Variants in INSYN2B observed in about 807,000 individuals in gnomAD.
INSYN2B encodes protein INSYN2B.
Under a neutral mutation model 41.2 loss-of-function variants are expected in INSYN2B, and 16 were observed. The observed-to-expected ratio is 0.39, with a 90% CI of 0.26 to 0.59. The LOEUF (loss-of-function observed/expected upper bound fraction) is 0.59, where lower values mean the gene tolerates loss of function less well. INSYN2B is among the 20% of genes least tolerant of loss of function. The pLI is 0.57. For synonymous variants in INSYN2B, 245 were observed against 244.4 expected (o/e 1.00, Z -0.02); for missense variants, 608 against 646.4 (o/e 0.94, Z 0.64).
rs549929646 is a variant in INSYN2B at position 169,870,426 on chromosome 5, G to A, written c.1422-5967C>T. 7.2e-5 allele frequency among the ~76,000 whole-genome samples: 11 copies of A among 152,298 alleles called. No homozygotes were observed. In the South Asian group the frequency reaches 1.9e-3, roughly 26 times the overall value. On this transcript the variant is annotated intron_variant, in intron 3 of 3. Coordinates refer to ENST00000377365, the MANE Select transcript of INSYN2B (RefSeq NM_001129891.3). ...TAAGCTCATGAGCAAACAACAGAGC[G>A]AGGTTCTGGATGCAGGATCTTGGCT...
At chr5:169,954,242 G>A (rs181731122) in intron 1 of INSYN2B, among the ~76,000 whole-genome samples, 4 of 152,312 alleles carry the variant, frequency 2.6e-5, no homozygotes, top group African/African-American at 7.2e-5. Context: ...CTTAGCAATC[G>A]CTGGACATTT....
chr5:169,931,320 C>T (rs1775740419), intron 1 of INSYN2B, among the ~76,000 whole-genome samples: 1 of 152,212 alleles, frequency 6.6e-6, no homozygotes, highest in Non-Finnish European at 1.5e-5. Context: ...TTACTTCCAA[C>T]AGTGGGTCAG....
At chr5:169,876,237 C>T (rs1281741541) in intron 3 of INSYN2B, among the ~76,000 whole-genome samples, 3 of 152,224 alleles carry the variant, frequency 2.0e-5, no homozygotes, top group African/African-American at 7.2e-5. Context: ...TGAAGTCCTT[C>T]ACTTCATTTC....
In INSYN2B at chr5:169,951,012, C is replaced by T. The variant is rs112747034; in HGVS notation, c.-919+29265G>A. 5.3e-5 allele frequency among the ~76,000 whole-genome samples: 8 copies of T among 152,242 alleles called. No individual in the cohort carries two copies. The East Asian group carries it at 5.8e-4, about 11-fold the overall frequency. On this transcript the variant is annotated intron_variant, in intron 1 of 3. Coordinates refer to ENST00000377365, the MANE Select transcript of INSYN2B (RefSeq NM_001129891.3). ...TAAACATTTAGATTTCCAGCTGCTC[C>T]GAAGTCAGATTAGCCAGCGTCACCG... is the stretch of plus-strand genomic sequence containing the variant.
chr5:169,903,029 T>C (rs1051961935), intron 1 of INSYN2B, among the ~76,000 whole-genome samples: 13 of 149,626 alleles, frequency 8.7e-5, no homozygotes, highest in Middle Eastern at 3.2e-3. Context: ...ACAAAGGAGG[T>C]GGAGGTTGCA....
At chr5:169,882,440 G>A (rs1267938337) in intron 2 of INSYN2B, 113 bp downstream of exon 2, 1 of 850,480 alleles carries the variant, frequency 1.2e-6, no homozygotes, top group Non-Finnish European at 1.8e-6. Flanking sequence ...AAACAACAGT[G>A]CTTCAAACAT....
At chr5:169,898,984 G>A (rs141941575) in intron 1 of INSYN2B, among the ~76,000 whole-genome samples, 2 of 152,296 alleles carry the variant, frequency 1.3e-5, no homozygotes, top group African/African-American at 4.8e-5. Context: ...AACTCAGTCT[G>A]TGAAGTAGAA....
At chr5:169,918,962 T>A (rs1338798336) in intron 1 of INSYN2B, among the ~76,000 whole-genome samples, 1 of 152,036 alleles carries the variant, frequency 6.6e-6, no homozygotes, top group Non-Finnish European at 1.5e-5. Context: ...TATATGAGTA[T>A]GTAAGATGAA....
intron 1 of INSYN2B, among the ~76,000 whole-genome samples, chr5:169,889,971 G>A (rs1487599652): frequency 2.0e-5 from 3 of 151,726 alleles, no homozygotes; most frequent in African/African-American, 7.3e-5. Context: ...AACCTTTACT[G>A]TTTACACCAC....
At chr5:169,965,403 CA>C (rs1777261254) in intron 1 of INSYN2B, among the ~76,000 whole-genome samples, 1 of 152,150 alleles carries the variant, frequency 6.6e-6, no homozygotes, top group Non-Finnish European at 1.5e-5. Flanking sequence ...TTATTGCTTG[CA>C]AAACATTATG....
chr5:169,928,650 G>C (rs1641366560), intron 1 of INSYN2B, among the ~76,000 whole-genome samples: 1 of 152,176 alleles, frequency 6.6e-6, no homozygotes. Flanking sequence ...AAAAGAGGCA[G>C]AGAGATCTAA....
chr5:169,932,398 C>T (rs890769365), intron 1 of INSYN2B, among the ~76,000 whole-genome samples: 9 of 152,100 alleles, frequency 5.9e-5, no homozygotes, highest in African/African-American at 2.2e-4. Context: ...AGGTAGGTGA[C>T]ATGAAGTAGG....
chr5:169,894,297 T>G (rs546319190), intron 1 of INSYN2B, among the ~76,000 whole-genome samples: 2 of 152,288 alleles, frequency 1.3e-5, no homozygotes, highest in Admixed American at 6.5e-5. Flanking sequence ...TCAGAGAGCT[T>G]CTAATGGAGG....
intron 1 of INSYN2B, chr5:169,934,931 G>C: frequency 3.0e-6 from 1 of 328,726 alleles, no homozygotes; most frequent in Non-Finnish European, 6.0e-6. Flanking sequence ...TGAGAAAGTA[G>C]TATAGAAAGT....
intron 1 of INSYN2B, among the ~76,000 whole-genome samples, chr5:169,891,936 C>T (rs1457008529): frequency 1.4e-5 from 2 of 145,988 alleles, no homozygotes; most frequent in Non-Finnish European, 3.0e-5. Context: ...GCGGAGGTTG[C>T]AGTGAGCCGA....
chr5:169,889,748 C>A (rs906639267), intron 1 of INSYN2B, among the ~76,000 whole-genome samples: 13 of 152,224 alleles, frequency 8.5e-5, no homozygotes, highest in African/African-American at 3.1e-4. Flanking sequence ...AATATGTAAA[C>A]AAATGGCTCT....
chr5:169,897,359 T>C (rs983967886), intron 1 of INSYN2B, among the ~76,000 whole-genome samples: 4 of 152,144 alleles, frequency 2.6e-5, no homozygotes, highest in African/African-American at 9.7e-5. Context: ...TAACCATTTT[T>C]GTATTTTTTT....
intron 1 of INSYN2B, among the ~76,000 whole-genome samples, chr5:169,968,000 T>C (rs1310537324): frequency 6.6e-6 from 1 of 152,142 alleles, no homozygotes; most frequent in Non-Finnish European, 1.5e-5. Context: ...AGGATCATGT[T>C]GACATGTTAA....
At chr5:169,881,720 G>T (rs1437406894) in intron 2 of INSYN2B, among the ~76,000 whole-genome samples, 1 of 152,152 alleles carries the variant, frequency 6.6e-6, no homozygotes, top group Non-Finnish European at 1.5e-5. Flanking sequence ...TGGAAGGGAG[G>T]TTATTAAAAC....
Sources: gnomAD v4.1 joint callset for allele counts (sites outside exome capture counted in the v4.1 genomes callset) on GRCh38, gnomAD v4.1.1 for gene constraint, MANE v1.5 for transcripts, NCBI Gene and HGNC (gene_info 2026-07-23, HGNC 2026-07-21) for gene names.